The following CDH2 variants were observed in gnomAD, a reference collection of about 807,000 sequenced individuals.
The protein encoded by CDH2 is cadherin-2.
Under a neutral mutation model 92.0 loss-of-function variants are expected in CDH2, and 17 were observed. The ratio of observed to expected loss-of-function variants is 0.18; its 90% confidence interval spans 0.13 to 0.28. The LOEUF (loss-of-function observed/expected upper bound fraction) is 0.28, where lower values mean the gene tolerates loss of function less well. Among genes scored for constraint, CDH2 ranks in the 10% least tolerant of loss-of-function variants. The probability of loss-of-function intolerance (pLI) is 1.00; values close to 1 mark genes in which losing one functional copy is unlikely to be tolerated. For missense variants in CDH2, 862 were observed against 1,133.1 expected (o/e 0.76, Z 3.44); for synonymous variants, 419 against 415.9 (o/e 1.01, Z -0.09).
At chr18:27,996,243 C>T (rs2012577366) in intron 7 of CDH2, among the ~76,000 whole-genome samples, 1 of 152,112 alleles carries the variant, frequency 6.6e-6, no homozygotes, top group East Asian at 1.9e-4. Context: ...TTCCATTTGG[C>T]ATTCTCCTCT....
intron 2 of CDH2, among the ~76,000 whole-genome samples, chr18:28,100,896 A>G (rs948267518): frequency 6.6e-6 from 1 of 152,226 alleles, no homozygotes; most frequent in Non-Finnish European, 1.5e-5. Context: ...TAGCTGAAAC[A>G]TTACATCTTC....
chr18:28,025,542 A>T (rs1180939093), intron 2 of CDH2, among the ~76,000 whole-genome samples: 1 of 149,664 alleles, frequency 6.7e-6, no homozygotes. Context: ...ATAATAATAA[A>T]AATAATAAGC....
intron 2 of CDH2, among the ~76,000 whole-genome samples, chr18:28,130,246 A>G (rs2015744352): frequency 6.6e-6 from 1 of 152,230 alleles, no homozygotes; most frequent in Non-Finnish European, 1.5e-5. Flanking sequence ...TCAGAGGTCC[A>G]CACTGCTGCA....
chr18:28,162,577 C>G (rs79588516), intron 1 of CDH2, among the ~76,000 whole-genome samples: 2 of 152,054 alleles, frequency 1.3e-5, no homozygotes, highest in Non-Finnish European at 2.9e-5. Flanking sequence ...ATTCTTAAGC[C>G]GAGTTTGCTC....
At chr18:28,092,994 T>C (rs1220985360) in intron 2 of CDH2, among the ~76,000 whole-genome samples, 2 of 152,160 alleles carry the variant, frequency 1.3e-5, no homozygotes, top group East Asian at 1.9e-4. Flanking sequence ...TAACACCGAG[T>C]TGTCACATCT....
At chr18:28,162,006 T>C (rs998864167) in intron 1 of CDH2, among the ~76,000 whole-genome samples, 6 of 152,200 alleles carry the variant, frequency 3.9e-5, no homozygotes, top group Non-Finnish European at 7.3e-5. Context: ...AAATCTGAGA[T>C]GTGAAAGATT....
intron 2 of CDH2, among the ~76,000 whole-genome samples, chr18:28,131,096 A>G (rs1156680998): frequency 6.6e-6 from 1 of 152,178 alleles, no homozygotes; most frequent in Non-Finnish European, 1.5e-5. Flanking sequence ...AATAAATACC[A>G]CATAATTTGT....
downstream of CDH2, among the ~76,000 whole-genome samples, chr18:27,949,042 G>A (rs1048743581): frequency 6.6e-6 from 1 of 151,842 alleles, no homozygotes; most frequent in Non-Finnish European, 1.5e-5. Flanking sequence ...GTTGATAAAT[G>A]TATAGTTTTC....
At position 27,983,103 on chromosome 18, in the gene CDH2, A is replaced by G. The variant is rs1398281083; in HGVS notation, c.2210-20T>C. On this transcript the variant is annotated intron_variant, in intron 13 of 15. Transcript: ENST00000269141. ...CAAGGACTAGGTAGAAAAATAGTAA[A>G]AATACATAATATTGTCATTTTTAAA... 2.5e-6 allele frequency: 4 copies of G among 1,591,840 alleles called. No homozygotes were observed. Among genetic ancestry groups the G allele is most frequent in the Non-Finnish European group, 3.4e-6 (4 of 1,166,364 alleles).
chr18:27,933,439 A>G (rs1328389695), intron 6 of CDH2, among the ~76,000 whole-genome samples: 4 of 152,134 alleles, frequency 2.6e-5, no homozygotes, highest in Non-Finnish European at 5.9e-5. Flanking sequence ...AGTCATCAAC[A>G]TGACCAATAT....
At chr18:28,078,003 C>G (rs756924183) in intron 2 of CDH2, among the ~76,000 whole-genome samples, 1 of 151,274 alleles carries the variant, frequency 6.6e-6, no homozygotes, top group East Asian at 1.9e-4. Context: ...ATTGCAAGGA[C>G]GTGTTTTTAC....
At chr18:27,994,319 C>G (rs2012515579) in intron 7 of CDH2, among the ~76,000 whole-genome samples, 1 of 152,172 alleles carries the variant, frequency 6.6e-6, no homozygotes, top group African/African-American at 2.4e-5. Flanking sequence ...CTCATTGTGT[C>G]CACTGCTTTA....
rs1399452917 is a variant in CDH2 at position 27,985,764 on chromosome 18, G to C, written c.1742-3C>G. On this transcript the variant is annotated splice_region_variant and splice_polypyrimidine_tract_variant and intron_variant, in intron 11 of 15. Coordinates refer to ENST00000269141, the MANE Select transcript of CDH2 (RefSeq NM_001792.5). ...TGTTCCACTCATAGGAGGAATTCCT[G>C]AAAAGAGAGAAAAATCACAAATGAT... 6.5e-7 allele frequency: 1 copy of C among 1,527,680 alleles called. No homozygotes were observed. Among genetic ancestry groups the C allele is most frequent in the South Asian group, 1.1e-5 (1 of 87,176 alleles). The allele number at this position is 1,527,680 out of a possible 1,614,324, so 94.6% of individuals were successfully genotyped here.
chr18:28,038,607 C>A (rs1271060595), intron 2 of CDH2, among the ~76,000 whole-genome samples: 1 of 151,976 alleles, frequency 6.6e-6, no homozygotes, highest in Non-Finnish European at 1.5e-5. Flanking sequence ...TCCCAGGAAT[C>A]AAGTGAAATC....
At chr18:28,063,825 A>G (rs2014452677) in intron 2 of CDH2, among the ~76,000 whole-genome samples, 1 of 152,228 alleles carries the variant, frequency 6.6e-6, no homozygotes, top group African/African-American at 2.4e-5. Context: ...CATGCTTCAG[A>G]AAGTTATGAA....
intron 7 of CDH2, among the ~76,000 whole-genome samples, chr18:28,000,771 TAA>T (rs1288108394): frequency 1.3e-5 from 2 of 151,990 alleles, no homozygotes; most frequent in Non-Finnish European, 1.5e-5. Flanking sequence ...TAAACAAAAA[TAA>T]AAAGCTGAAT....
Position 28,121,229 on chromosome 18 carries a change from A to G in CDH2, c.172+26444T>C, listed in dbSNP as rs192849768. Among the ~76,000 whole-genome samples the G allele has an allele frequency of 2.6e-3, 390 of 152,290 alleles. 4 individuals carry two copies. The highest frequency in any genetic ancestry group is 8.3e-3 in the African/African-American group (346 of 41,572). On this transcript the variant is annotated intron_variant, in intron 2 of 15. Coordinates refer to ENST00000269141, the MANE Select transcript of CDH2 (RefSeq NM_001792.5). ...TAAATTGTCCAAGAGATCATTACAA[A>G]TGACATGAGAAAACATGTGATTGTT...
chr18:28,119,396 C>T (rs561236842), intron 2 of CDH2, among the ~76,000 whole-genome samples: 1 of 152,114 alleles, frequency 6.6e-6, no homozygotes, highest in East Asian at 1.9e-4. Context: ...AGACACAGAC[C>T]ACCACAACCT....
At chr18:28,126,689 A>T (rs916525997) in intron 2 of CDH2, among the ~76,000 whole-genome samples, 1 of 152,228 alleles carries the variant, frequency 6.6e-6, no homozygotes, top group Non-Finnish European at 1.5e-5. Context: ...AAAGAGAGTG[A>T]GTGCCTGCTA....
Sources: gnomAD v4.1 joint callset for allele counts (sites outside exome capture counted in the v4.1 genomes callset) on GRCh38, gnomAD v4.1.1 for gene constraint, MANE v1.5 for transcripts, NCBI Gene and HGNC (gene_info 2026-07-23, HGNC 2026-07-21) for gene names.